TMTC2: variants seen among roughly 807,000 people sequenced by gnomAD.
TMTC2 encodes protein O-mannosyl-transferase TMTC2.
TMTC2 carries 43 observed loss-of-function variants against 82.4 expected under a neutral mutation model. The observed-to-expected ratio is 0.52, with a 90% CI of 0.41 to 0.67. The LOEUF (loss-of-function observed/expected upper bound fraction) is 0.67. TMTC2 is among the 30% of genes least tolerant of loss of function. The pLI, the probability that TMTC2 is intolerant of heterozygous loss-of-function variation, is 0.00. For missense variants in TMTC2, 919 were observed against 1,012.4 expected (o/e 0.91, Z 1.25); for synonymous variants, 408 against 381.9 (o/e 1.07, Z -0.80).
rs117434222 is a variant in TMTC2 at position 83,071,819 on chromosome 12, T to A, written c.2331+9988T>A. On this transcript the variant is annotated intron_variant, in intron 11 of 11. Coordinates refer to ENST00000321196, the MANE Select transcript of TMTC2 (RefSeq NM_152588.3). Reference sequence around the variant, plus strand: ...AGGTGTTCATAGTAGCCTTGTATGATCTCTTGTATTTTCGGTGGTGTCAGT... The same window carrying A: ...AGGTGTTCATAGTAGCCTTGTATGAACTCTTGTATTTTCGGTGGTGTCAGT... Among the ~76,000 whole-genome samples the A allele has an allele frequency of 3.8e-3, 581 of 152,258 alleles. 20 individuals are homozygous for A. The East Asian group carries it at 0.078, about 20-fold the overall frequency.
Position 82,836,827 on chromosome 12 carries a change from GA to G in TMTC2, c.84-20173del, listed in dbSNP as rs144387615. ...AACAATAACTACAACTAACAGGATA[GA>G]AAAAAAAAACAAAAGACAATTTGAC... On this transcript the variant is annotated intron_variant, in intron 1 of 11. Coordinates refer to ENST00000321196, the MANE Select transcript of TMTC2 (RefSeq NM_152588.3). 3.1e-4 allele frequency among the ~76,000 whole-genome samples: 46 copies of G among 146,476 alleles called. 1 individual carries two copies. In the South Asian group the frequency reaches 5.7e-3, roughly 18 times the overall value.
intron 8 of TMTC2, among the ~76,000 whole-genome samples, chr12:83,026,236 A>G (rs1881170218): frequency 1.3e-5 from 2 of 152,188 alleles, no homozygotes; most frequent in Non-Finnish European, 2.9e-5. Flanking sequence ...TGTATCAGGA[A>G]ACTAGGGTAA....
intron 1 of TMTC2, among the ~76,000 whole-genome samples, chr12:82,822,336 T>C (rs1869163801): frequency 6.6e-6 from 1 of 152,116 alleles, no homozygotes; most frequent in African/African-American, 2.4e-5. Context: ...GGTTCATCAG[T>C]TTTAACAAAT....
intron 10 of TMTC2, among the ~76,000 whole-genome samples, chr12:83,054,132 CGAAA>C (rs1882450229): frequency 1.3e-5 from 2 of 151,964 alleles, no homozygotes; most frequent in South Asian, 4.1e-4. Flanking sequence ...CCCTAAGTGA[CGAAA>C]GAGAGACAAA....
At chr12:83,063,820 G>A (rs930083095) in intron 11 of TMTC2, among the ~76,000 whole-genome samples, 1 of 151,888 alleles carries the variant, frequency 6.6e-6, no homozygotes, top group African/African-American at 2.4e-5. Context: ...AGGAGAAGGA[G>A]CTAGTATGTC....
At chr12:82,873,189 G>A (rs1267051798) in intron 2 of TMTC2, among the ~76,000 whole-genome samples, 1 of 150,274 alleles carries the variant, frequency 6.7e-6, no homozygotes, top group Non-Finnish European at 1.5e-5. Context: ...TAAGGATAGG[G>A]ATTTTGGCCC....
intron 8 of TMTC2, among the ~76,000 whole-genome samples, chr12:83,003,548 G>A (rs930362660): frequency 2.6e-5 from 4 of 152,124 alleles, no homozygotes; most frequent in Admixed American, 2.6e-4. Context: ...ATGGCAACAG[G>A]TATTGTTCTT....
At chr12:82,909,998 A>G (rs954034303) in intron 3 of TMTC2, among the ~76,000 whole-genome samples, 1 of 152,220 alleles carries the variant, frequency 6.6e-6, no homozygotes, top group Non-Finnish European at 1.5e-5. Context: ...AAGCAGGGTA[A>G]AATATGTTCC....
intron 8 of TMTC2, among the ~76,000 whole-genome samples, chr12:82,995,552 G>A (rs1175195451): frequency 6.6e-6 from 1 of 152,124 alleles, no homozygotes; most frequent in African/African-American, 2.4e-5. Flanking sequence ...GCAGAGCTAT[G>A]GAGTGTATCC....
chr12:82,858,667 G>C (rs1414782753), intron 2 of TMTC2, among the ~76,000 whole-genome samples: 1 of 149,548 alleles, frequency 6.7e-6, no homozygotes, highest in Non-Finnish European at 1.5e-5. Context: ...TTCCTCTTAA[G>C]AGTCAGAGTG....
At chr12:82,783,193 C>A (rs538458435) in intron 1 of TMTC2, among the ~76,000 whole-genome samples, 2 of 151,946 alleles carry the variant, frequency 1.3e-5, no homozygotes, top group African/African-American at 4.8e-5. Context: ...GTCCTTAGAA[C>A]AATTCATAGT....
At chr12:82,912,298 C>T (rs2137211705) in intron 3 of TMTC2, among the ~76,000 whole-genome samples, 1 of 152,226 alleles carries the variant, frequency 6.6e-6, no homozygotes, top group East Asian at 1.9e-4. Flanking sequence ...GCGTTTTCTT[C>T]TTAAGATGCC....
intron 7 of TMTC2, among the ~76,000 whole-genome samples, chr12:82,970,356 G>T (rs910876439): frequency 3.9e-5 from 6 of 152,204 alleles, no homozygotes; most frequent in East Asian, 3.8e-4. Flanking sequence ...ACGGAGTCTC[G>T]CTCTGTCGCC....
At chr12:82,819,117 A>G (rs1460770019) in intron 1 of TMTC2, among the ~76,000 whole-genome samples, 1 of 152,030 alleles carries the variant, frequency 6.6e-6, no homozygotes, top group East Asian at 1.9e-4. Flanking sequence ...GATGAGAAGA[A>G]AATTCTAGAT....
chr12:82,822,894 A>T (rs1377435604), intron 1 of TMTC2, among the ~76,000 whole-genome samples: 2 of 152,108 alleles, frequency 1.3e-5, no homozygotes, highest in Non-Finnish European at 2.9e-5. Context: ...GATGTAACAA[A>T]TTTTCCTCCT....
chr12:82,829,324 G>A (rs922082932), intron 1 of TMTC2, among the ~76,000 whole-genome samples: 25 of 152,132 alleles, frequency 1.6e-4, no homozygotes, highest in African/African-American at 3.9e-4. Context: ...AAGAGGATTC[G>A]AAATCAGTTG....
intron 1 of TMTC2, 50 bp downstream of exon 1, chr12:82,687,719 A>T: frequency 6.5e-7 from 1 of 1,544,754 alleles, no homozygotes. Context: ...CACACTCCGC[A>T]GTGGCTCTGA....
At chr12:83,022,565 T>C (rs920049337) in intron 8 of TMTC2, among the ~76,000 whole-genome samples, 1 of 152,112 alleles carries the variant, frequency 6.6e-6, no homozygotes, top group African/African-American at 2.4e-5. Context: ...AATCCATTTT[T>C]ATAGAGTGAA....
chr12:82,966,285 A>T (rs1225063672), intron 6 of TMTC2, among the ~76,000 whole-genome samples: 3 of 152,112 alleles, frequency 2.0e-5, no homozygotes, highest in African/African-American at 7.2e-5. Context: ...GTGTAACAGG[A>T]TGTTGCACAG....
Sources: gnomAD v4.1 joint callset for allele counts (sites outside exome capture counted in the v4.1 genomes callset) on GRCh38, gnomAD v4.1.1 for gene constraint, MANE v1.5 for transcripts, NCBI Gene and HGNC (gene_info 2026-07-23, HGNC 2026-07-21) for gene names.